CNTNAP2: variants seen among roughly 807,000 people sequenced by gnomAD.
The protein encoded by CNTNAP2 is contactin-associated protein-like 2.
CNTNAP2 carries 98 observed loss-of-function variants against 155.2 expected under a neutral mutation model. The observed-to-expected ratio is 0.63, with a 90% confidence interval of 0.54 to 0.75. The LOEUF is 0.75. Ranked by LOEUF, CNTNAP2 falls within the 30% of genes least tolerant of loss-of-function variation. The pLI is 0.00. For missense variants in CNTNAP2, 1,727 were observed against 1,688.1 expected (o/e 1.02, Z -0.40); for synonymous variants, 651 against 631.2 (o/e 1.03, Z -0.47).
intron 1 of CNTNAP2, among the ~76,000 whole-genome samples, chr7:146,360,238 A>G (rs1795063142): frequency 6.6e-6 from 1 of 152,124 alleles, no homozygotes; most frequent in South Asian, 2.1e-4. Flanking sequence ...ACTCCTTTTC[A>G]TTCAGGTGTC....
At chr7:146,832,058 A>G (rs1279839806) in intron 2 of CNTNAP2, among the ~76,000 whole-genome samples, 1 of 152,216 alleles carries the variant, frequency 6.6e-6, no homozygotes. Context: ...TCTAATCAAC[A>G]AATATCTGCA....
intron 1 of CNTNAP2, among the ~76,000 whole-genome samples, chr7:146,136,019 GC>G (rs1402935202): frequency 6.6e-6 from 1 of 151,974 alleles, no homozygotes; most frequent in Non-Finnish European, 1.5e-5. Context: ...TATGTAAATA[GC>G]CCCCAATTAT....
At chr7:146,336,198 T>TAA (rs549458592) in intron 1 of CNTNAP2, among the ~76,000 whole-genome samples, 6 of 121,618 alleles carry the variant, frequency 4.9e-5, no homozygotes, top group Non-Finnish European at 7.0e-5. Flanking sequence ...AAACTCCGTC[T>TAA]AAAAAAAAAA....
chr7:148,267,046 C>G lies in CNTNAP2; in HGVS notation c.3395C>G (p.Pro1132Arg), dbSNP rs769942778. ...TTCCTCCTGCAGCTCGATCATTATC[C>G]TTCTGTGAGTTACCATCTGCCAAGT... is the stretch of plus-strand genomic sequence containing the variant. ...KTIFLKLDHYPSVSYHLPSSS... is the reference protein window; with the variant it reads ...KTIFLKLDHYRSVSYHLPSSS... The change falls in exon 21 of 24, where the codon CCT becomes CGT. Residue 1132 changes from proline (P) to arginine (R), a missense_variant. Pro to Arg is a moderately radical substitution (Grantham distance 103). Transcript: ENST00000361727. 3.1e-6 allele frequency: 5 copies of G among 1,614,126 alleles called. No homozygotes were observed. The highest frequency in any genetic ancestry group is 3.3e-5 in the Admixed American group (2 of 60,024).
intron 1 of CNTNAP2, among the ~76,000 whole-genome samples, chr7:146,293,974 C>T (rs1444542395): frequency 6.6e-6 from 1 of 151,930 alleles, no homozygotes; most frequent in Non-Finnish European, 1.5e-5. Flanking sequence ...AAAATTTGTT[C>T]TAGGAGGAGC....
intron 8 of CNTNAP2, among the ~76,000 whole-genome samples, chr7:147,238,054 G>A (rs1359128357): frequency 7.2e-5 from 11 of 152,014 alleles, no homozygotes; most frequent in East Asian, 1.9e-4. Context: ...TCGCTCTGTC[G>A]CCCAGGCTGG....
chr7:148,139,940 C>A (rs995423798), intron 16 of CNTNAP2, among the ~76,000 whole-genome samples: 3 of 152,294 alleles, frequency 2.0e-5, no homozygotes, highest in Admixed American at 2.0e-4. Flanking sequence ...ACTGCATATG[C>A]TTCTGACACC....
intron 3 of CNTNAP2, among the ~76,000 whole-genome samples, chr7:147,026,577 A>C (rs1798924288): frequency 6.6e-6 from 1 of 151,580 alleles, no homozygotes; most frequent in Non-Finnish European, 1.5e-5. Flanking sequence ...CACTGAGTTC[A>C]TTCTTGGAAT....
chr7:147,483,137 C>A (rs1362042126), intron 10 of CNTNAP2, among the ~76,000 whole-genome samples: 2 of 151,456 alleles, frequency 1.3e-5, no homozygotes, highest in Admixed American at 6.6e-5. Flanking sequence ...TTAAAGAAAT[C>A]CTTAATACTG....
At chr7:146,765,811 G>A (rs758347330) in intron 1 of CNTNAP2, among the ~76,000 whole-genome samples, 25 of 152,246 alleles carry the variant, frequency 1.6e-4, no homozygotes, top group East Asian at 1.4e-3. Flanking sequence ...TAGTATTTGC[G>A]TCAGAATCAG....
intron 18 of CNTNAP2, among the ~76,000 whole-genome samples, chr7:148,216,338 C>A (rs1435250539): frequency 6.6e-6 from 1 of 152,138 alleles, no homozygotes; most frequent in Admixed American, 6.5e-5. Context: ...AGATGAAATA[C>A]CAAGGCCTAG....
chr7:146,683,823 G>C (rs886685110), intron 1 of CNTNAP2, among the ~76,000 whole-genome samples: 10 of 152,206 alleles, frequency 6.6e-5, no homozygotes, highest in Non-Finnish European at 1.3e-4. Flanking sequence ...AGGACAGCCT[G>C]TTTCAAGGTA....
intron 3 of CNTNAP2, among the ~76,000 whole-genome samples, chr7:146,901,124 A>T (rs2129213613): frequency 6.6e-6 from 1 of 152,152 alleles, no homozygotes; most frequent in African/African-American, 2.4e-5. Context: ...TAAGATATTA[A>T]ACTTAGGCTA....
At chr7:148,250,177 C>A (rs1371884094) in intron 20 of CNTNAP2, among the ~76,000 whole-genome samples, 2 of 152,228 alleles carry the variant, frequency 1.3e-5, no homozygotes, top group Non-Finnish European at 2.9e-5. Context: ...GCAGGGCTAA[C>A]CCCTCGAATC....
At chr7:148,023,529 G>A (rs1802321311) in intron 15 of CNTNAP2, among the ~76,000 whole-genome samples, 1 of 152,124 alleles carries the variant, frequency 6.6e-6, no homozygotes, top group African/African-American at 2.4e-5. Flanking sequence ...AATGCCAATA[G>A]CCCTGTAGGT....
At chr7:147,213,147 A>G (rs917810511) in intron 8 of CNTNAP2, among the ~76,000 whole-genome samples, 1 of 152,114 alleles carries the variant, frequency 6.6e-6, no homozygotes, top group Non-Finnish European at 1.5e-5. Context: ...GAGAAAAGCT[A>G]TTGCTGTAAT....
chr7:146,473,305 C>A (rs1796826884), intron 1 of CNTNAP2, among the ~76,000 whole-genome samples: 1 of 152,076 alleles, frequency 6.6e-6, no homozygotes, highest in Non-Finnish European at 1.5e-5. Context: ...AGGGGCATGT[C>A]TCATTAGGTG....
intron 21 of CNTNAP2, among the ~76,000 whole-genome samples, chr7:148,344,691 G>A (rs1280592221): frequency 1.3e-5 from 2 of 152,206 alleles, no homozygotes; most frequent in East Asian, 3.8e-4. Context: ...ATGATAGAAA[G>A]TGAGGAGGCA....
At chr7:147,114,004 G>T (rs553030857) in intron 5 of CNTNAP2, among the ~76,000 whole-genome samples, 1 of 152,146 alleles carries the variant, frequency 6.6e-6, no homozygotes, top group South Asian at 2.1e-4. Context: ...AGAGATTCTG[G>T]TACTTTGTAT....
Sources: gnomAD v4.1 joint callset for allele counts (sites outside exome capture counted in the v4.1 genomes callset) on GRCh38, gnomAD v4.1.1 for gene constraint, MANE v1.5 for transcripts, NCBI Gene and HGNC (gene_info 2026-07-23, HGNC 2026-07-21) for gene names.